The following NTM variants were observed in gnomAD, a reference collection of about 807,000 sequenced individuals.
NTM encodes IgLON family member 2.
A neutral mutation model predicts 42.1 loss-of-function variants in NTM; 13 were observed. The observed-to-expected ratio is 0.31, with a 90% CI of 0.20 to 0.49. The LOEUF is 0.49. Among genes scored for constraint, NTM ranks in the 20% least tolerant of loss-of-function variants. The pLI is 0.99. For synonymous variants in NTM, 187 were observed against 179.2 expected (o/e 1.04, Z -0.35); for missense variants, 373 against 452.8 (o/e 0.82, Z 1.60).
intron 1 of NTM, among the ~76,000 whole-genome samples, chr11:131,447,798 A>G (rs894272266): frequency 6.6e-6 from 1 of 151,946 alleles, no homozygotes; most frequent in African/African-American, 2.4e-5. Flanking sequence ...TCATTATGAG[A>G]TTTTGCATCT....
At chr11:131,556,563 ATTTTTTT>A (rs34911090) in intron 1 of NTM, among the ~76,000 whole-genome samples, 1 of 98,432 alleles carries the variant, frequency 1.0e-5, no homozygotes, top group African/African-American at 3.6e-5. Context: ...ACACATAGGA[ATTTTTTT>A]TTTTTTTTTT....
At chr11:132,144,050 T>C (rs1227884578) in intron 2 of NTM, among the ~76,000 whole-genome samples, 4 of 152,316 alleles carry the variant, frequency 2.6e-5, no homozygotes, top group Non-Finnish European at 4.4e-5. Flanking sequence ...TCAAATTTCT[T>C]ATCTCTGAGA....
intron 1 of NTM, chr11:131,661,099 T>G: frequency 8.2e-7 from 1 of 1,216,014 alleles, no homozygotes; most frequent in Non-Finnish European, 1.1e-6. Flanking sequence ...TGGGGGGGTC[T>G]TCCCCCTAGA....
intron 1 of NTM, among the ~76,000 whole-genome samples, chr11:131,570,895 G>A (rs1287182720): frequency 6.6e-6 from 1 of 152,228 alleles, no homozygotes; most frequent in Non-Finnish European, 1.5e-5. Context: ...GCTAGGCACT[G>A]CAGACTCAGA....
intron 1 of NTM, among the ~76,000 whole-genome samples, chr11:131,528,127 T>A (rs1202723289): frequency 6.6e-6 from 1 of 152,218 alleles, no homozygotes; most frequent in Non-Finnish European, 1.5e-5. Flanking sequence ...AAGGTGTAAC[T>A]TTCACCTCTC....
intron 1 of NTM, among the ~76,000 whole-genome samples, chr11:131,390,724 G>A (rs1360741085): frequency 3.3e-5 from 5 of 152,098 alleles, no homozygotes; most frequent in Non-Finnish European, 7.4e-5. Flanking sequence ...TCAAAGTGTG[G>A]TCCCTGGCTG....
chr11:132,100,498 C>T (rs1165290378), intron 2 of NTM, among the ~76,000 whole-genome samples: 1 of 152,218 alleles, frequency 6.6e-6, no homozygotes, highest in African/African-American at 2.4e-5. Context: ...GCTTCTGTGA[C>T]AGTTGAATTA....
rs909631437 is a variant in NTM, at chr11:131,934,266, C to T, written c.167+22618C>T. On this transcript the variant is annotated intron_variant, in intron 2 of 8. Coordinates refer to ENST00000683400, the MANE Select transcript of NTM (RefSeq NM_001352005.2). ...GGTAACCCATTGAGAACGTTATTCC[C>T]TAGAGCGTATCACAGAGTAATATAT... Among the ~76,000 whole-genome samples, 4 of 152,090 alleles carry T rather than the reference C, an allele frequency of 2.6e-5. 1 individual carries two copies. Among genetic ancestry groups the T allele is most frequent in the Admixed American group, 2.6e-4 (4 of 15,276 alleles).
chr11:131,392,372 T>C (rs1407378225), intron 1 of NTM, among the ~76,000 whole-genome samples: 1 of 150,838 alleles, frequency 6.6e-6, no homozygotes, highest in Non-Finnish European at 1.5e-5. Flanking sequence ...ACAGAGCCCC[T>C]GAAGGGATGG....
intron 4 of NTM, among the ~76,000 whole-genome samples, chr11:132,213,951 G>T (rs1390224559): frequency 1.6e-5 from 1 of 63,510 alleles, no homozygotes; most frequent in Non-Finnish European, 4.2e-5. Context: ...AGCTGGGATG[G>T]TCTCGATCTC....
intron 7 of NTM, among the ~76,000 whole-genome samples, chr11:132,326,988 C>G (rs1295483160): frequency 6.6e-6 from 1 of 152,184 alleles, no homozygotes; most frequent in Non-Finnish European, 1.5e-5. Flanking sequence ...TCTGGATGGA[C>G]TAGAAGTATT....
intron 1 of NTM, among the ~76,000 whole-genome samples, chr11:131,441,046 T>C (rs1316108029): frequency 6.6e-6 from 1 of 152,056 alleles, no homozygotes; most frequent in Non-Finnish European, 1.5e-5. Flanking sequence ...TTTGTCTATA[T>C]AGATTGTTTA....
chr11:131,495,801 G>A (rs535015135), intron 1 of NTM, among the ~76,000 whole-genome samples: 1 of 152,218 alleles, frequency 6.6e-6, no homozygotes, highest in African/African-American at 2.4e-5. Context: ...TCAGCTTCTT[G>A]CTCTTGCTCC....
intron 4 of NTM, among the ~76,000 whole-genome samples, chr11:132,294,259 G>A (rs1202616402): frequency 6.6e-6 from 1 of 151,986 alleles, no homozygotes; most frequent in Non-Finnish European, 1.5e-5. Context: ...TCATCTGCTT[G>A]TGCTCTCTGG....
At chr11:132,085,925 A>G (rs2059641961) in intron 2 of NTM, among the ~76,000 whole-genome samples, 3 of 152,310 alleles carry the variant, frequency 2.0e-5, no homozygotes, top group Middle Eastern at 6.8e-3. Flanking sequence ...CCAAGAGGAA[A>G]GCAGAGGTCT....
rs533598035 is a variant in NTM at position 131,910,906 on chromosome 11, G to T, written c.83-658G>T. 5.7e-5 allele frequency: 56 copies of T among 986,432 alleles called. 1 individual carries two copies. In the South Asian group the frequency reaches 2.4e-3, roughly 42 times the overall value. The allele number at this position is 986,432 out of a possible 1,614,324, so 61.1% of individuals were successfully genotyped here. A position where few individuals can be genotyped will look rare whatever the true frequency, so the allele number is the denominator to read the frequency against. ...GCCCGGATCGCACGAAGCCCGCGCG[G>T]CCGTCTCCTCCGCGCGCCACCCCTG... On this transcript the variant is annotated intron_variant, in intron 1 of 8. Coordinates refer to ENST00000683400, the MANE Select transcript of NTM (RefSeq NM_001352005.2).
intron 1 of NTM, chr11:131,878,192 G>T (rs940555983): frequency 6.6e-6 from 1 of 152,156 alleles, no homozygotes; most frequent in African/African-American, 2.4e-5. Context: ...ACCGAAGTGG[G>T]ATTCAAAGCG....
chr11:131,549,794 A>G (rs2054418526), intron 1 of NTM, among the ~76,000 whole-genome samples: 1 of 152,248 alleles, frequency 6.6e-6, no homozygotes, highest in Admixed American at 6.5e-5. Context: ...GGCTGGGGAA[A>G]AAATAAAATA....
rs373882730 is a variant in NTM, at chr11:132,261,793, T to C, written c.527-45896T>C. Among the ~76,000 whole-genome samples the C allele has an allele frequency of 9.2e-5, 14 of 152,282 alleles. 1 individual carries two copies. The highest frequency in any genetic ancestry group is 3.4e-4 in the African/African-American group (14 of 41,562). On this transcript the variant is annotated intron_variant, in intron 4 of 8. Coordinates refer to ENST00000683400, the MANE Select transcript of NTM (RefSeq NM_001352005.2). Reference sequence around the variant, plus strand: ...TTTCAATAAAAGAAATGAGTATAAATATTGTGAGTGGAGGAAGGGAGAAAG... The same window carrying C: ...TTTCAATAAAAGAAATGAGTATAAACATTGTGAGTGGAGGAAGGGAGAAAG...
Sources: allele counts gnomAD v4.1 joint callset (sites outside exome capture counted in the v4.1 genomes callset), GRCh38; gene constraint gnomAD v4.1.1; transcripts MANE v1.5; gene names NCBI Gene and HGNC (gene_info 2026-07-23, HGNC 2026-07-21).